The following ABCC4 variants were observed in gnomAD, a reference collection of about 807,000 sequenced individuals.
ABCC4 encodes ATP binding cassette subfamily C member 4 (PEL blood group).
In ABCC4, 102 loss-of-function variants were observed where a neutral mutation model predicts 168.5. The ratio of observed to expected loss-of-function variants is 0.61; its 90% CI spans 0.52 to 0.71. The LOEUF is 0.71. ABCC4 is among the 30% of genes least tolerant of loss of function. The pLI, the probability that ABCC4 is intolerant of heterozygous loss-of-function variation, is 0.00. For synonymous variants in ABCC4, 617 were observed against 590.7 expected (o/e 1.04, Z -0.65); for missense variants, 1,402 against 1,605.8 (o/e 0.87, Z 2.17).
intron 20 of ABCC4, among the ~76,000 whole-genome samples, chr13:95,085,311 A>G (rs1594071117): frequency 1.3e-5 from 2 of 151,688 alleles, no homozygotes; most frequent in Middle Eastern, 6.9e-3. Context: ...GTGGTGCCGC[A>G]TATTTGTAAC....
chr13:95,076,198 C>A (rs1009257690), intron 21 of ABCC4, among the ~76,000 whole-genome samples: 1 of 152,146 alleles, frequency 6.6e-6, no homozygotes, highest in East Asian at 1.9e-4. Context: ...GCCCTTGTGC[C>A]GTGCCCAAGG....
intron 4 of ABCC4, 126 bp downstream of exon 4, chr13:95,234,484 G>T (rs1375137080): frequency 2.7e-5 from 19 of 713,204 alleles, no homozygotes; most frequent in Non-Finnish European, 3.9e-5. Flanking sequence ...TAGAGACAGG[G>T]TCTTGCTCTG....
At chr13:95,113,086 G>T (rs889517471) in intron 20 of ABCC4, among the ~76,000 whole-genome samples, 29 of 152,104 alleles carry the variant, frequency 1.9e-4, no homozygotes, top group African/African-American at 6.3e-4. Flanking sequence ...ATAACATCAG[G>T]CTTCCTGTAT....
At chr13:95,232,715 C>T (rs190108092) in intron 4 of ABCC4, among the ~76,000 whole-genome samples, 3 of 151,986 alleles carry the variant, frequency 2.0e-5, no homozygotes, top group African/African-American at 7.2e-5. Context: ...AAAAAACGGC[C>T]CAGGACAAAG....
At chr13:95,135,204 G>A (rs1566452408) in intron 19 of ABCC4, among the ~76,000 whole-genome samples, 1 of 152,052 alleles carries the variant, frequency 6.6e-6, no homozygotes, top group Non-Finnish European at 1.5e-5. Flanking sequence ...ACCAGCACGA[G>A]CTTGAGAATC....
At chr13:95,055,167 C>G (rs1021798957) in intron 26 of ABCC4, among the ~76,000 whole-genome samples, 1 of 152,158 alleles carries the variant, frequency 6.6e-6, no homozygotes, top group Non-Finnish European at 1.5e-5. Context: ...ACCTGAACAA[C>G]CATCTAAACA....
chr13:95,297,472 T>C (rs2138971143), intron 1 of ABCC4, among the ~76,000 whole-genome samples: 1 of 152,120 alleles, frequency 6.6e-6, no homozygotes, highest in East Asian at 1.9e-4. Context: ...AGCTGCCAGT[T>C]CACAAGTTCA....
chr13:95,079,945 T>A (rs992849209), intron 21 of ABCC4, among the ~76,000 whole-genome samples: 2 of 152,254 alleles, frequency 1.3e-5, no homozygotes, highest in Non-Finnish European at 2.9e-5. Context: ...TTTCCAAGGC[T>A]GTGCTTTTAA....
At chr13:95,087,196 CAT>C (rs1344747464) in intron 20 of ABCC4, among the ~76,000 whole-genome samples, 4 of 152,040 alleles carry the variant, frequency 2.6e-5, no homozygotes, top group African/African-American at 7.2e-5. Flanking sequence ...TTTGGGAACA[CAT>C]GAGACTAAAA....
At chr13:95,258,656 G>A (rs2040452131) in intron 1 of ABCC4, among the ~76,000 whole-genome samples, 1 of 152,110 alleles carries the variant, frequency 6.6e-6, no homozygotes, top group Non-Finnish European at 1.5e-5. Context: ...GACCAGGCGA[G>A]CCACTCAAAA....
intron 1 of ABCC4, among the ~76,000 whole-genome samples, chr13:95,300,137 C>T (rs2041637808): frequency 1.3e-5 from 2 of 152,184 alleles, no homozygotes; most frequent in African/African-American, 2.4e-5. Flanking sequence ...CCGCGCCAGG[C>T]CAAGATGGAA....
At chr13:95,257,635 C>T (rs1484497807) in intron 1 of ABCC4, among the ~76,000 whole-genome samples, 1 of 150,496 alleles carries the variant, frequency 6.6e-6, no homozygotes, top group Non-Finnish European at 1.5e-5. Flanking sequence ...TGCACTCCTG[C>T]CTGGGCAACA....
chr13:95,291,086 G>T (rs1348191193), intron 1 of ABCC4, among the ~76,000 whole-genome samples: 2 of 151,842 alleles, frequency 1.3e-5, no homozygotes, highest in African/African-American at 4.8e-5. Context: ...GGGCATGACG[G>T]TTCACACCTG....
intron 5 of ABCC4, 66 bp downstream of exon 5, chr13:95,210,626 G>A (rs1471723387): frequency 2.8e-5 from 39 of 1,377,698 alleles, no homozygotes; most frequent in Non-Finnish European, 4.0e-5. Context: ...CCTGCCTCCA[G>A]AAAGAATAAA....
chr13:95,100,354 T>C (rs2034753641), intron 20 of ABCC4, among the ~76,000 whole-genome samples: 1 of 152,178 alleles, frequency 6.6e-6, no homozygotes, highest in Non-Finnish European at 1.5e-5. Context: ...GGAACACTGG[T>C]TGCCAGCCTG....
chr13:95,122,846 C>T (rs749476303), intron 19 of ABCC4, among the ~76,000 whole-genome samples: 4 of 152,154 alleles, frequency 2.6e-5, no homozygotes, highest in Non-Finnish European at 5.9e-5. Context: ...AAGCTAACCC[C>T]GACTCTACCA....
At chr13:95,218,943 AAG>A (rs1566539581) in intron 4 of ABCC4, among the ~76,000 whole-genome samples, 1 of 32,514 alleles carries the variant, frequency 3.1e-5, no homozygotes. Context: ...GAAAGAAAGA[AAG>A]AAAGAAAGAA....
intron 19 of ABCC4, among the ~76,000 whole-genome samples, chr13:95,140,504 T>A (rs2036285633): frequency 2.0e-5 from 3 of 152,198 alleles, no homozygotes; most frequent in Admixed American, 2.0e-4. Flanking sequence ...ACAGAATAAT[T>A]GCCTTTTATG....
intron 1 of ABCC4, among the ~76,000 whole-genome samples, chr13:95,248,895 C>T (rs1018849976): frequency 6.6e-6 from 1 of 152,050 alleles, no homozygotes; most frequent in Non-Finnish European, 1.5e-5. Flanking sequence ...TAAAAATTAG[C>T]GAGGTGTGAT....
Sources: allele counts gnomAD v4.1 joint callset (sites outside exome capture counted in the v4.1 genomes callset), GRCh38; gene constraint gnomAD v4.1.1; transcripts MANE v1.5; gene names NCBI Gene and HGNC (gene_info 2026-07-23, HGNC 2026-07-21).